COL19A1: variants seen among roughly 807,000 people sequenced by gnomAD.
The protein encoded by COL19A1 is collagen type XIX alpha 1 chain.
A neutral mutation model predicts 190.2 loss-of-function variants in COL19A1; 159 were observed. The ratio of observed to expected loss-of-function variants is 0.84; its 90% CI spans 0.73 to 0.95. The LOEUF (loss-of-function observed/expected upper bound fraction) is 0.95, where lower values mean the gene tolerates loss of function less well. Ranked by LOEUF, COL19A1 falls within the 40% of genes least tolerant of loss-of-function variation. COL19A1 has a pLI of 0.00. For missense variants in COL19A1, 1,418 were observed against 1,431.9 expected (o/e 0.99, Z 0.16); for synonymous variants, 509 against 458.9 (o/e 1.11, Z -1.39).
intron 14 of COL19A1, among the ~76,000 whole-genome samples, chr6:70,056,053 C>T (rs998013505): frequency 2.0e-5 from 3 of 152,074 alleles, no homozygotes; most frequent in Non-Finnish European, 2.9e-5. Context: ...GCAGAATTCC[C>T]ATTCTGTGAC....
chr6:69,926,023 C>G (rs951080920), intron 4 of COL19A1, among the ~76,000 whole-genome samples: 2 of 152,162 alleles, frequency 1.3e-5, no homozygotes, highest in Admixed American at 1.3e-4. Context: ...ACAATCATGT[C>G]ATCTGCAAAC....
chr6:70,009,406 G>A (rs1489364919), intron 11 of COL19A1, among the ~76,000 whole-genome samples: 1 of 151,992 alleles, frequency 6.6e-6, no homozygotes, highest in Non-Finnish European at 1.5e-5. Context: ...TATTTATGGT[G>A]ATGACCTGTA....
intron 1 of COL19A1, among the ~76,000 whole-genome samples, chr6:69,879,325 C>T (rs1768345794): frequency 6.6e-6 from 1 of 152,030 alleles, no homozygotes; most frequent in African/African-American, 2.4e-5. Flanking sequence ...CAATAACTAA[C>T]TAGAAACTAA....
At chr6:70,136,167 T>A (rs1785855542) in intron 18 of COL19A1, among the ~76,000 whole-genome samples, 1 of 152,176 alleles carries the variant, frequency 6.6e-6, no homozygotes, top group South Asian at 2.1e-4. Context: ...AATACAAACA[T>A]GATCTTGTCT....
chr6:69,929,374 A>AT, intron 5 of COL19A1, 51 bp from the exon 6 acceptor site: 1 of 1,550,684 alleles, frequency 6.4e-7, no homozygotes, highest in Non-Finnish European at 8.8e-7. Flanking sequence ...TGCTTTAATA[A>AT]TTTTGAACAT....
intron 16 of COL19A1, among the ~76,000 whole-genome samples, chr6:70,106,846 A>G (rs2150193929): frequency 6.6e-6 from 1 of 152,330 alleles, no homozygotes; most frequent in South Asian, 2.1e-4. Flanking sequence ...TTCAATACAT[A>G]AAGATTACGA....
At chr6:70,053,282 T>C (rs1780310713) in intron 14 of COL19A1, among the ~76,000 whole-genome samples, 2 of 152,220 alleles carry the variant, frequency 1.3e-5, no homozygotes, top group African/African-American at 4.8e-5. Flanking sequence ...GAAAATAACA[T>C]TCTGATTGCT....
chr6:70,168,075 G>C lies in COL19A1; in HGVS notation c.2496G>C (p.Lys832Asn). ...RNGMSSLYKI[K>N]GGVNVPSYPG... ...GCATGAGCAGTTTATATAAAATTAA[G>C]GTATTTATATTTGTAATTATTTAAA... is the stretch of plus-strand genomic sequence containing the variant. Residue 832 changes from lysine to asparagine, a missense_variant and splice_region_variant, in exon 38 of 51, where the codon AAG (lysine) becomes AAC (asparagine). Lys to Asn is a moderately conservative substitution (Grantham distance 94, BLOSUM62 0). Coordinates refer to ENST00000620364, the MANE Select transcript of COL19A1 (RefSeq NM_001858.6). 1 of 1,586,498 alleles carries C rather than the reference G, an allele frequency of 6.3e-7. No individual in the cohort carries two copies. Among genetic ancestry groups the C allele is most frequent in the Non-Finnish European group, 8.6e-7 (1 of 1,160,796 alleles).
chr6:69,963,592 G>A (rs530592294), intron 11 of COL19A1, among the ~76,000 whole-genome samples: 4 of 152,206 alleles, frequency 2.6e-5, no homozygotes, highest in African/African-American at 7.2e-5. Flanking sequence ...CTACTAGCCC[G>A]CACCAGCCAA....
intron 14 of COL19A1, among the ~76,000 whole-genome samples, chr6:70,037,132 A>G (rs1031227218): frequency 4.7e-4 from 71 of 152,122 alleles, no homozygotes; most frequent in African/African-American, 1.5e-3. Flanking sequence ...CATATTATTC[A>G]GTTTTTTATA....
intron 11 of COL19A1, among the ~76,000 whole-genome samples, chr6:69,991,037 C>T (rs79413105): frequency 0.014 from 2,171 of 151,974 alleles, 52 homozygotes; most frequent in African/African-American, 0.049. Flanking sequence ...TATTCTGATC[C>T]TCCTCCCACT....
chr6:69,966,035 A>G (rs988258658), intron 11 of COL19A1, among the ~76,000 whole-genome samples: 2 of 152,230 alleles, frequency 1.3e-5, no homozygotes, highest in Non-Finnish European at 2.9e-5. Flanking sequence ...GATAACAGTT[A>G]TCCCCATACT....
chr6:69,969,618 G>A (rs764242520), intron 11 of COL19A1, among the ~76,000 whole-genome samples: 90 of 152,116 alleles, frequency 5.9e-4, no homozygotes, highest in Non-Finnish European at 9.3e-4. Context: ...TATTTACATA[G>A]CATTTACATT....
intron 22 of COL19A1, among the ~76,000 whole-genome samples, chr6:70,142,442 A>G (rs894729924): frequency 2.6e-5 from 4 of 152,186 alleles, no homozygotes; most frequent in Non-Finnish European, 4.4e-5. Flanking sequence ...GAGTTTCCCA[A>G]GTGGGATTCC....
At chr6:70,023,415 T>C (rs1778543572) in intron 11 of COL19A1, among the ~76,000 whole-genome samples, 1 of 152,138 alleles carries the variant, frequency 6.6e-6, no homozygotes, top group South Asian at 2.1e-4. Context: ...GGATTACAGG[T>C]GTGAACCACT....
rs1371538598 is a variant in COL19A1, at chr6:70,195,160, T to TATATAC, written c.3095-4445_3095-4444insTACATA. ...TGATATATATATATATATATATATATATAAAGAGTTAAAAAATATATTTTC... is the reference window on the plus strand; with the variant it reads ...TGATATATATATATATATATATATATATATACATAAAGAGTTAAAAAATATATTTTC... On this transcript the variant is annotated intron_variant, in intron 48 of 50. Coordinates refer to ENST00000620364, the MANE Select transcript of COL19A1 (RefSeq NM_001858.6). 2.8e-5 allele frequency among the ~76,000 whole-genome samples: 4 copies of TATATAC among 144,942 alleles called. No homozygotes were observed. The East Asian group carries it at 8.0e-4, about 29-fold the overall frequency.
chr6:70,156,893 G>A (rs1332438201), intron 34 of COL19A1, among the ~76,000 whole-genome samples, 170 bp downstream of exon 34: 1 of 152,038 alleles, frequency 6.6e-6, no homozygotes, highest in African/African-American at 2.4e-5. Context: ...ACATATTTAT[G>A]TTTATTACCA....
At chr6:70,156,750 G>T (rs766705403) in intron 34 of COL19A1, 27 bp downstream of exon 34, 2 of 1,569,296 alleles carry the variant, frequency 1.3e-6, no homozygotes, top group Admixed American at 3.4e-5. Flanking sequence ...TGATTATATA[G>T]TCCTAATATT....
intron 11 of COL19A1, among the ~76,000 whole-genome samples, chr6:69,971,337 G>A (rs1172797434): frequency 1.4e-5 from 2 of 147,196 alleles, no homozygotes; most frequent in African/African-American, 5.4e-5. Context: ...TGTCACTGGT[G>A]ACTTTAGCAA....
Sources: allele counts gnomAD v4.1 joint callset (sites outside exome capture counted in the v4.1 genomes callset), GRCh38; gene constraint gnomAD v4.1.1; transcripts MANE v1.5; gene names NCBI Gene and HGNC (gene_info 2026-07-23, HGNC 2026-07-21).